Variants in SIX1 observed in about 807,000 individuals in gnomAD.
The protein encoded by SIX1 is SIX homeobox 1.
Under a neutral mutation model 26.5 loss-of-function variants are expected in SIX1, and 11 were observed. The ratio of observed to expected loss-of-function variants is 0.41; its 90% CI spans 0.26 to 0.69. SIX1 has a LOEUF of 0.69. Among genes scored for constraint, SIX1 ranks in the 30% least tolerant of loss-of-function variants. SIX1 has a pLI of 0.28. For synonymous variants in SIX1, 177 were observed against 166.2 expected, an observed-to-expected ratio of 1.06 and a Z score of -0.50; for missense variants, 333 against 365.9, an observed-to-expected ratio of 0.91 and a Z score of 0.73.
chr14:60,649,275 G>C lies in SIX1; in HGVS notation c.-86C>G. The C allele has an allele frequency of 7.9e-7, 1 of 1,261,850 alleles. No homozygotes were observed. The highest frequency in any genetic ancestry group is 1.1e-6 in the Non-Finnish European group (1 of 903,820). 78.2% of individuals were successfully genotyped at this position (1,261,850 alleles called of 1,614,324 possible). ...CAGGGGGCGGCGGCCGCAGGGAGGG[G>C]GGCGCGGCTGTTCCTAACCTCCTCC... On this transcript the variant is annotated 5_prime_UTR_variant, in exon 1 of 2. Transcript: ENST00000645694. The surrounding 1 kb of genome is among the most constrained non-coding windows in gnomAD (Gnocchi z 5.1).
Sources: gnomAD v4.1 joint callset for allele counts on GRCh38, gnomAD v4.1.1 for gene constraint, Gnocchi (gnomAD v3.1) non-coding constraint, MANE v1.5 for transcripts, NCBI Gene and HGNC (gene_info 2026-07-23, HGNC 2026-07-21) for gene names.